The following CDHR3 variants were observed in gnomAD, a reference collection of about 807,000 sequenced individuals.
CDHR3 encodes cadherin related family member 3.
A neutral mutation model predicts 86.6 loss-of-function variants in CDHR3; 79 were observed. The observed-to-expected ratio is 0.91, with a 90% confidence interval of 0.76 to 1.10. CDHR3 has a LOEUF of 1.10. Among genes scored for constraint, CDHR3 ranks in the 50% least tolerant of loss-of-function variants. The probability of loss-of-function intolerance (pLI) is 0.00; values close to 1 mark genes in which losing one functional copy is unlikely to be tolerated. For missense variants in CDHR3, 1,081 were observed against 1,077.6 expected (o/e 1.00, Z -0.04); for synonymous variants, 421 against 402.4 (o/e 1.05, Z -0.55).
At chr7:106,027,021 T>G (rs1217279991) in intron 16 of CDHR3, among the ~76,000 whole-genome samples, 2 of 152,208 alleles carry the variant, frequency 1.3e-5, no homozygotes, top group African/African-American at 2.4e-5. Flanking sequence ...GTGTTAAATG[T>G]AGACAGGACC....
At position 106,028,596 on chromosome 7, in the gene CDHR3, G is replaced by A; in HGVS notation, c.2304+14G>A. The A allele has an allele frequency of 6.2e-7, 1 of 1,613,880 alleles. No individual in the cohort carries two copies. The highest frequency in any genetic ancestry group is 8.5e-7 in the Non-Finnish European group (1 of 1,179,820). ...GACGTCGTGGTGGTGAGTATGGGCA[G>A]TGTGGGGCACCAGGCATAGACGCTG... is the stretch of plus-strand genomic sequence containing the variant. On this transcript the variant is annotated intron_variant, in intron 17 of 18. Transcript: ENST00000317716.
At chr7:106,025,875 T>A (rs965783962) in intron 15 of CDHR3, among the ~76,000 whole-genome samples, 27 of 152,190 alleles carry the variant, frequency 1.8e-4, no homozygotes, top group East Asian at 3.9e-4. Flanking sequence ...TTGATTTTTT[T>A]AAAAAAAAAC....
At chr7:106,018,107 C>A in intron 12 of CDHR3, 35 bp downstream of exon 12, 2 of 1,572,688 alleles carry the variant, frequency 1.3e-6, no homozygotes, top group Non-Finnish European at 1.7e-6. Flanking sequence ...GCCGGTAACC[C>A]AACTGGTTGA....
intron 13 of CDHR3, 100 bp downstream of exon 13, chr7:106,020,644 G>T: frequency 7.4e-7 from 1 of 1,347,912 alleles, no homozygotes; most frequent in South Asian, 1.5e-5. Flanking sequence ...GGCAAAGTGG[G>T]ATGGGAGTTG....
At chr7:105,985,980 C>A (rs1830465455) in intron 4 of CDHR3, among the ~76,000 whole-genome samples, 1 of 152,194 alleles carries the variant, frequency 6.6e-6, no homozygotes, top group Non-Finnish European at 1.5e-5. Flanking sequence ...ATTTTTCTAA[C>A]CAGAGCTTGT....
At chr7:105,994,942 G>A in intron 5 of CDHR3, 97 bp downstream of exon 5, 1 of 958,130 alleles carries the variant, frequency 1.0e-6, no homozygotes, top group South Asian at 1.4e-5. Context: ...GCAGCTGGGG[G>A]GAGCCCCTTG....
At chr7:106,002,676 G>T (rs888204362) in intron 7 of CDHR3, among the ~76,000 whole-genome samples, 15 of 152,126 alleles carry the variant, frequency 9.9e-5, no homozygotes, top group African/African-American at 3.6e-4. Flanking sequence ...GAAGAGAGGG[G>T]CTATATTAGC....
intron 1 of CDHR3, among the ~76,000 whole-genome samples, chr7:105,968,565 C>T (rs1181081623): frequency 2.0e-5 from 3 of 152,018 alleles, no homozygotes; most frequent in Middle Eastern, 3.4e-3. Flanking sequence ...TTCACCATGT[C>T]GGCCAGGCTA....
chr7:106,013,880 G>A (rs750726724), intron 9 of CDHR3, among the ~76,000 whole-genome samples: 32 of 152,272 alleles, frequency 2.1e-4, no homozygotes, highest in Non-Finnish European at 3.5e-4. Context: ...AGTGTTAGTA[G>A]TTTGGTACAT....
In CDHR3 at chr7:106,030,480, C is replaced by G. The variant is rs1278824819; in HGVS notation, c.2305-312C>G. ...GCTCAGATTTTATTTACTCAGGATG[C>G]TTCCTTAACCCCCAAGTGTGGTTTA... On this transcript the variant is annotated intron_variant, in intron 17 of 18. Transcript: ENST00000317716. The surrounding 1 kb of genome is among the most constrained non-coding windows in gnomAD (Gnocchi z 4.8). Among the ~76,000 whole-genome samples, 4 of 152,168 alleles carry G rather than the reference C, an allele frequency of 2.6e-5. No homozygotes were observed. Among genetic ancestry groups the G allele is most frequent in the Admixed American group, 6.5e-5 (1 of 15,290 alleles).
At chr7:106,003,989 C>CAAAAAAAAA (rs55815648) in intron 7 of CDHR3, among the ~76,000 whole-genome samples, 31 of 79,938 alleles carry the variant, frequency 3.9e-4, no homozygotes, top group Non-Finnish European at 5.9e-4. Context: ...CCAACCTAAC[C>CAAAAAAAAA]AAAAAAAAAA....
intron 8 of CDHR3, among the ~76,000 whole-genome samples, chr7:106,007,895 C>T (rs1164709361): frequency 1.3e-5 from 2 of 152,166 alleles, no homozygotes; most frequent in African/African-American, 2.4e-5. Flanking sequence ...TAAAGACATA[C>T]CCGAGACTGG....
rs1187404981 is a variant in CDHR3, at chr7:106,017,894, A to T, written c.1475A>T (p.Gln492Leu). 1 of 1,606,214 alleles carries T rather than the reference A, an allele frequency of 6.2e-7. No individual in the cohort carries two copies. Among genetic ancestry groups the T allele is most frequent in the African/African-American group, 1.3e-5 (1 of 74,836 alleles). Residue 492 changes from glutamine (Q) to leucine (L), a missense_variant, in exon 12 of 19, where the codon CAG becomes CTG. By Grantham distance (113) the Gln-to-Leu change is moderately radical. Transcript: ENST00000317716. ...CGAGCCACTGATAAAGACCTCCCCC[A>T]GAGCAGCCTCCTGTACTCCATCTCC... ...QVRATDKDLP[Q>L]SSLLYSISTG...
chr7:105,992,891 A>C (rs1361883496), intron 4 of CDHR3, among the ~76,000 whole-genome samples: 2 of 152,238 alleles, frequency 1.3e-5, no homozygotes, highest in East Asian at 1.9e-4. Context: ...TGGTCAATAC[A>C]ACTAGAAAAA....
intron 3 of CDHR3, among the ~76,000 whole-genome samples, chr7:105,982,099 G>A (rs915797322): frequency 1.3e-5 from 2 of 151,980 alleles, no homozygotes; most frequent in African/African-American, 2.4e-5. Context: ...CTATTAAAAC[G>A]TCAGTTAAAT....
At chr7:106,006,310 C>A (rs1194673043) in intron 8 of CDHR3, among the ~76,000 whole-genome samples, 1 of 152,176 alleles carries the variant, frequency 6.6e-6, no homozygotes, top group Non-Finnish European at 1.5e-5. Flanking sequence ...CCAAATCTCA[C>A]GTTCTCACAT....
At chr7:105,989,686 G>A (rs776931557) in intron 4 of CDHR3, among the ~76,000 whole-genome samples, 8 of 152,144 alleles carry the variant, frequency 5.3e-5, no homozygotes, top group Non-Finnish European at 8.8e-5. Context: ...GGTCCCAGCT[G>A]GATGGGATCT....
intron 8 of CDHR3, among the ~76,000 whole-genome samples, chr7:106,005,016 C>T (rs1434133060): frequency 1.3e-5 from 2 of 152,150 alleles, no homozygotes; most frequent in Non-Finnish European, 2.9e-5. Flanking sequence ...CTGGACTGTG[C>T]CTGTTCTTTG....
intron 2 of CDHR3, among the ~76,000 whole-genome samples, chr7:105,980,625 T>A (rs1585554408): frequency 5.8e-5 from 1 of 17,326 alleles, no homozygotes; most frequent in Non-Finnish European, 1.4e-4. Flanking sequence ...TTTTTTTAAT[T>A]TTTTTTTTTT....
Sources: gnomAD v4.1 joint callset for allele counts (sites outside exome capture counted in the v4.1 genomes callset) on GRCh38, gnomAD v4.1.1 for gene constraint, Gnocchi (gnomAD v3.1) non-coding constraint, MANE v1.5 for transcripts, NCBI Gene and HGNC (gene_info 2026-07-23, HGNC 2026-07-21) for gene names.